SNX32: variants seen among roughly 807,000 people sequenced by gnomAD.
The protein encoded by SNX32 is sorting nexin 32.
Under a neutral mutation model 57.0 loss-of-function variants are expected in SNX32, and 58 were observed. The ratio of observed to expected loss-of-function variants is 1.02; its 90% CI spans 0.82 to 1.27. The LOEUF is 1.27. SNX32 is among the 50% of genes most tolerant of loss of function. SNX32 has a pLI of 0.00. For synonymous variants in SNX32, 262 were observed against 220.4 expected (o/e 1.19, Z -1.67); for missense variants, 589 against 541.2 (o/e 1.09, Z -0.88).
rs770227682 is a variant in SNX32 at position 65,853,332 on chromosome 11, T to A, written c.1209T>A (p.Pro403=). The A allele has an allele frequency of 8.7e-6, 14 of 1,613,974 alleles. No individual in the cohort carries two copies. In the Admixed American group the frequency reaches 2.3e-4, roughly 27 times the overall value. The part of the protein sequence containing the change: ...RNTLVALKGE[P] ...CCCTTGTTGCCCTAAAGGGGGAGCC[T>A]TAGAGTAGCCAGAGCTCAGCCAGAC... Residue 403 remains proline, a synonymous_variant, in exon 13 of 13, where the codon CCT becomes CCA. Coordinates refer to ENST00000308342, the MANE Select transcript of SNX32 (RefSeq NM_152760.3).
chr11:65,841,378 C>T (rs1858837214), intron 1 of SNX32, among the ~76,000 whole-genome samples: 1 of 150,536 alleles, frequency 6.6e-6, no homozygotes, highest in Non-Finnish European at 1.5e-5. Context: ...CTGGGACTAC[C>T]TGTGTTTGCC....
intron 1 of SNX32, among the ~76,000 whole-genome samples, chr11:65,847,348 C>T (rs1038484605): frequency 2.6e-5 from 4 of 151,966 alleles, no homozygotes; most frequent in Non-Finnish European, 5.9e-5. Flanking sequence ...TGGCACATGC[C>T]CGTGGTCCTT....
chr11:65,852,693 A>G lies in SNX32; in HGVS notation c.976A>G (p.Lys326Glu), dbSNP rs778333031. Residue 326 changes from lysine (K) to glutamate (E), a missense_variant, in exon 11 of 13, where the codon AAG (lysine) becomes GAG (glutamate). Transcript: ENST00000308342. ...DYENANKALD[K>E]ARTRNREVRP... ...CGAGAATGCCAACAAGGCGCTGGAC[A>G]AGGCGCGCACCAGGAACCGGGAGGT... The G allele has an allele frequency of 5.6e-6, 9 of 1,597,412 alleles. No homozygotes were observed. Among genetic ancestry groups the G allele is most frequent in the African/African-American group, 2.7e-5 (2 of 74,628 alleles).
At chr11:65,849,869 A>G in intron 2 of SNX32, 51 bp from the exon 3 acceptor site, 1 of 1,451,638 alleles carries the variant, frequency 6.9e-7, no homozygotes, top group Non-Finnish European at 9.3e-7. Context: ...AGACTTGCTG[A>G]GGCAGGGCTT....
In SNX32 at chr11:65,850,299, C is replaced by T. The variant is rs779385100; in HGVS notation, c.374+28C>T. On this transcript the variant is annotated intron_variant, in intron 4 of 12. Transcript: ENST00000308342. Reference sequence around the variant, plus strand: ...GAGTGCCCCCTCCTTTCCCTGCCATCCCCAGAGTCCAGATGTCTTCCCCAG... The same window carrying T: ...GAGTGCCCCCTCCTTTCCCTGCCATTCCCAGAGTCCAGATGTCTTCCCCAG... The T allele has an allele frequency of 3.7e-6, 6 of 1,614,072 alleles. No homozygotes were observed. The South Asian group carries it at 6.6e-5, about 18-fold the overall frequency.
rs1294469654 is a variant in SNX32 at position 65,850,041 on chromosome 11, G to A, written c.252+11G>A. 1 of 1,614,112 alleles carries A rather than the reference G, an allele frequency of 6.2e-7. No individual in the cohort carries two copies. Among genetic ancestry groups the A allele is most frequent in the Non-Finnish European group, 8.5e-7 (1 of 1,179,940 alleles). ...TACGCCGGCCTCATCGTGAGGAGGG[G>A]CTGGGCAGGGGCTGGGAGGGACAGG... On this transcript the variant is annotated intron_variant, in intron 3 of 12. Coordinates refer to ENST00000308342, the MANE Select transcript of SNX32 (RefSeq NM_152760.3).
chr11:65,834,464 C>G (rs919964914), intron 1 of SNX32, among the ~76,000 whole-genome samples: 1 of 144,402 alleles, frequency 6.9e-6, no homozygotes, highest in Non-Finnish European at 1.5e-5. Context: ...CTGTGTGTGT[C>G]TGTGTGTGTG....
At chr11:65,838,891 A>G (rs1365517100) in intron 1 of SNX32, among the ~76,000 whole-genome samples, 1 of 152,134 alleles carries the variant, frequency 6.6e-6, no homozygotes, top group Non-Finnish European at 1.5e-5. Context: ...ATTATAATGG[A>G]AATTAGAAAA....
At chr11:65,834,768 TC>T (rs1301177575) in intron 1 of SNX32, among the ~76,000 whole-genome samples, 1 of 150,396 alleles carries the variant, frequency 6.6e-6, no homozygotes. Flanking sequence ...TCTGCGTGCA[TC>T]TTTATGTCTG....
chr11:65,849,652 A>T, intron 2 of SNX32, 70 bp downstream of exon 2: 1 of 1,343,098 alleles, frequency 7.4e-7, no homozygotes, highest in Non-Finnish European at 1.1e-6. Flanking sequence ...AGGGGGTGGT[A>T]GGCATGTGCC....
At chr11:65,843,260 G>A (rs985671849) in intron 1 of SNX32, among the ~76,000 whole-genome samples, 4 of 144,236 alleles carry the variant, frequency 2.8e-5, no homozygotes, top group Non-Finnish European at 4.6e-5. Flanking sequence ...AAATTAAAAT[G>A]AAGAAAATGA....
chr11:65,850,289 T>C lies in SNX32; in HGVS notation c.374+18T>C. The C allele has an allele frequency of 6.2e-7, 1 of 1,614,098 alleles. No homozygotes were observed. Among genetic ancestry groups the C allele is most frequent in the South Asian group, 1.1e-5 (1 of 91,084 alleles). ...CTGGAAGCGTGAGTGCCCCCTCCTTTCCCTGCCATCCCCAGAGTCCAGATG... is the reference window on the plus strand; with the variant it reads ...CTGGAAGCGTGAGTGCCCCCTCCTTCCCCTGCCATCCCCAGAGTCCAGATG... On this transcript the variant is annotated intron_variant, in intron 4 of 12. Coordinates refer to ENST00000308342, the MANE Select transcript of SNX32 (RefSeq NM_152760.3).
intron 12 of SNX32, 95 bp from the exon 13 acceptor site, chr11:65,853,186 AG>A: frequency 6.5e-7 from 1 of 1,536,830 alleles, no homozygotes; most frequent in Middle Eastern, 1.7e-4. Context: ...TGCAGAGAGC[AG>A]GGGTGTGGGG....
chr11:65,849,649 G>A (rs1859103973), intron 2 of SNX32, 67 bp downstream of exon 2: 2 of 1,369,862 alleles, frequency 1.5e-6, no homozygotes, highest in Admixed American at 1.7e-5. Flanking sequence ...CCCAGGGGGT[G>A]GTAGGCATGT....
chr11:65,841,229 G>A (rs1858832815), intron 1 of SNX32, among the ~76,000 whole-genome samples: 1 of 149,456 alleles, frequency 6.7e-6, no homozygotes, highest in African/African-American at 2.5e-5. Flanking sequence ...CACCTCGCCT[G>A]GACTTTTTTT....
At position 65,851,074 on chromosome 11, in the gene SNX32, A is replaced by T. The variant is rs935358676; in HGVS notation, c.623A>T (p.Glu208Val). The T allele has an allele frequency of 6.2e-7, 1 of 1,614,062 alleles. No individual in the cohort carries two copies. Among genetic ancestry groups the T allele is most frequent in the Non-Finnish European group, 8.5e-7 (1 of 1,179,974 alleles). Residue 208 changes from glutamate to valine, a missense_variant, in exon 7 of 13, where the codon GAG becomes GTG. Physicochemically the swap from Glu to Val is moderately radical, Grantham distance 121. Transcript: ENST00000308342. ...SGLKEVDDFF[E>V]HERTFLLEYH... The stretch of plus-strand genomic sequence containing the variant: ...CCTTAGGAGGTGGATGACTTCTTTG[A>T]GCATGAGAGGACCTTCCTGTTGGAG...
chr11:65,853,006 A>ACCTCCCT (rs749651928), intron 12 of SNX32, 48 bp downstream of exon 12: 22 of 1,578,702 alleles, frequency 1.4e-5, no homozygotes, highest in Non-Finnish European at 1.8e-5. Context: ...CCCACCTCCC[A>ACCTCCCT]CCTCCCTCCC....
At chr11:65,851,607 C>T (rs770627158) in intron 8 of SNX32, 33 bp from the exon 9 acceptor site, 46 of 1,613,198 alleles carry the variant, frequency 2.9e-5, no homozygotes, top group Admixed American at 1.2e-4. Context: ...TTCCTCAGCC[C>T]CCTACCCTAA....
chr11:65,851,050 C>G lies in SNX32; in HGVS notation c.604-5C>G. Reference sequence around the variant, plus strand: ...TGTAAATGGGGTCCTGCCTGGCTCCCTTAGGAGGTGGATGACTTCTTTGAG... The same window carrying G: ...TGTAAATGGGGTCCTGCCTGGCTCCGTTAGGAGGTGGATGACTTCTTTGAG... On this transcript the variant is annotated splice_polypyrimidine_tract_variant and splice_region_variant and intron_variant, in intron 6 of 12. Coordinates refer to ENST00000308342, the MANE Select transcript of SNX32 (RefSeq NM_152760.3). The G allele has an allele frequency of 6.2e-7, 1 of 1,613,046 alleles. No individual in the cohort carries two copies. Among genetic ancestry groups the G allele is most frequent in the South Asian group, 1.1e-5 (1 of 91,060 alleles).
Sources: gnomAD v4.1 joint callset for allele counts (sites outside exome capture counted in the v4.1 genomes callset) on GRCh38, gnomAD v4.1.1 for gene constraint, MANE v1.5 for transcripts, NCBI Gene and HGNC (gene_info 2026-07-23, HGNC 2026-07-21) for gene names.